PRKCH: variants seen among roughly 807,000 people sequenced by gnomAD.
PRKCH encodes protein kinase C eta type.
In PRKCH, 28 loss-of-function variants were observed where a neutral mutation model predicts 82.5. That is an observed-to-expected ratio of 0.34 (90% CI 0.25 to 0.47). PRKCH has a LOEUF of 0.47. PRKCH is among the 20% of genes least tolerant of loss of function. The pLI, the probability that PRKCH is intolerant of heterozygous loss-of-function variation, is 1.00. For missense variants in PRKCH, 705 were observed against 881.8 expected, an observed-to-expected ratio of 0.80 and a Z score of 2.54; for synonymous variants, 322 against 327.4, an observed-to-expected ratio of 0.98 and a Z score of 0.18.
chr14:61,478,822 C>CT (rs1242578045), intron 9 of PRKCH, among the ~76,000 whole-genome samples: 1 of 152,144 alleles, frequency 6.6e-6, no homozygotes, highest in Non-Finnish European at 1.5e-5. Context: ...GATCCTGCCA[C>CT]TGCCCTCCAG....
intron 10 of PRKCH, among the ~76,000 whole-genome samples, chr14:61,520,463 C>T (rs533173088): frequency 4.6e-5 from 7 of 152,168 alleles, no homozygotes; most frequent in African/African-American, 1.7e-4. Flanking sequence ...TATATCAAAA[C>T]AAAACTTCAA....
chr14:61,222,463 T>C (rs2044663130), intron 1 of PRKCH, among the ~76,000 whole-genome samples: 1 of 152,216 alleles, frequency 6.6e-6, no homozygotes, highest in Non-Finnish European at 1.5e-5. Flanking sequence ...CTCATATCCA[T>C]GGACTTAGAA....
intron 2 of PRKCH, among the ~76,000 whole-genome samples, chr14:61,432,627 G>A (rs1053792097): frequency 3.9e-5 from 6 of 152,140 alleles, no homozygotes; most frequent in South Asian, 2.1e-4. Flanking sequence ...GAGCCACTGC[G>A]CCCAGCAGTA....
chr14:61,328,174 C>T (rs951857931), intron 1 of PRKCH, among the ~76,000 whole-genome samples: 4 of 144,766 alleles, frequency 2.8e-5, no homozygotes, highest in Admixed American at 7.2e-5. Context: ...GGCGTGAACC[C>T]GGGAAGCGGA....
chr14:61,505,480 A>C (rs1423245980), intron 10 of PRKCH, among the ~76,000 whole-genome samples: 1 of 129,444 alleles, frequency 7.7e-6, no homozygotes, highest in Non-Finnish European at 1.5e-5. Context: ...GCTTCAAGCA[A>C]TTCTCCTGCC....
At chr14:61,220,287 G>A (rs2044645775) in intron 1 of PRKCH, among the ~76,000 whole-genome samples, 1 of 152,184 alleles carries the variant, frequency 6.6e-6, no homozygotes. Flanking sequence ...GTACACCCAA[G>A]AGGGGAACTT....
Position 61,453,343 on chromosome 14 carries a change from C to G in PRKCH, c.950C>G (p.Ser317Cys). Residue 317 changes from serine (S) to cysteine (C), a missense_variant, in exon 7 of 14, where the codon TCT becomes TGT. By Grantham distance (112) the Ser-to-Cys change is moderately radical. Around this residue, in one of 5 missense-constraint regions of PRKCH, gnomAD observed 238 missense variants for 258.1 expected, o/e 0.92. Coordinates refer to ENST00000332981, the MANE Select transcript of PRKCH (RefSeq NM_006255.5). The part of the protein sequence containing the change: ...AGMGLQPGNI[S>C]PTSKLVSRST... ...ATGGGTCTCCAACCCGGAAATATTTCTCCAACCTCGGTGAGACTTTGCTTT... is the reference window on the plus strand; with the variant it reads ...ATGGGTCTCCAACCCGGAAATATTTGTCCAACCTCGGTGAGACTTTGCTTT... The G allele has an allele frequency of 6.2e-7, 1 of 1,612,952 alleles. No individual in the cohort carries two copies. Among genetic ancestry groups the G allele is most frequent in the Non-Finnish European group, 8.5e-7 (1 of 1,179,342 alleles).
intron 12 of PRKCH, among the ~76,000 whole-genome samples, chr14:61,533,157 T>C (rs2043062026): frequency 6.6e-6 from 1 of 152,114 alleles, no homozygotes; most frequent in African/African-American, 2.4e-5. Context: ...TACCATAGGG[T>C]GATTGTCCAG....
intron 1 of PRKCH, among the ~76,000 whole-genome samples, chr14:61,222,876 T>G (rs2044665903): frequency 6.6e-6 from 1 of 152,230 alleles, no homozygotes; most frequent in South Asian, 2.1e-4. Context: ...TTGAGCTATT[T>G]CTGTTTCCAC....
At chr14:61,311,353 G>T (rs112218814) in intron 1 of PRKCH, among the ~76,000 whole-genome samples, 2 of 152,270 alleles carry the variant, frequency 1.3e-5, no homozygotes, top group African/African-American at 4.8e-5. Flanking sequence ...GAGGCAAAAT[G>T]CCATCTGTCT....
intron 9 of PRKCH, among the ~76,000 whole-genome samples, chr14:61,467,418 C>T (rs77444246): frequency 0.014 from 2,095 of 152,340 alleles, 58 homozygotes; most frequent in African/African-American, 0.048. Flanking sequence ...CCAGCGCCTC[C>T]AGCTCCCCTT....
chr14:61,453,143 T>C, intron 6 of PRKCH, 83 bp from the exon 7 acceptor site: 1 of 1,528,684 alleles, frequency 6.5e-7, no homozygotes, highest in Non-Finnish European at 9.1e-7. Flanking sequence ...TTATAATCTT[T>C]TAGGCTATTA....
In PRKCH at chr14:61,457,544, T is replaced by C; in HGVS notation, c.1143T>C (p.Tyr381=). The change falls in exon 9 of 14, where the codon TAT becomes TAC. Residue 381 remains tyrosine (Y), a synonymous_variant. Coordinates refer to ENST00000332981, the MANE Select transcript of PRKCH (RefSeq NM_006255.5). Reference sequence around the variant, plus strand: ...GAGTAAAAGAAACAGGAGACCTCTATGCTGTGAAGGTGCTGAAGAAGGACG... The same window carrying C: ...GAGTAAAAGAAACAGGAGACCTCTACGCTGTGAAGGTGCTGAAGAAGGACG... ...LARVKETGDL[Y]AVKVLKKDVI... 1 of 1,614,190 alleles carries C rather than the reference T, an allele frequency of 6.2e-7. No homozygotes were observed. The highest frequency in any genetic ancestry group is 8.5e-7 in the Non-Finnish European group (1 of 1,180,024).
chr14:61,342,165 A>C (rs2045937386), intron 1 of PRKCH, among the ~76,000 whole-genome samples: 1 of 151,920 alleles, frequency 6.6e-6, no homozygotes, highest in South Asian at 2.1e-4. Flanking sequence ...TGTGTTCTGA[A>C]CAGGAGTGCC....
At chr14:61,395,546 G>A (rs2046766180) in intron 2 of PRKCH, among the ~76,000 whole-genome samples, 1 of 152,158 alleles carries the variant, frequency 6.6e-6, no homozygotes, top group Admixed American at 6.5e-5. Context: ...GGATCCTGGA[G>A]GCACTGTCAA....
intron 9 of PRKCH, 49 bp downstream of exon 9, chr14:61,457,728 G>C (rs1477306376): frequency 6.3e-7 from 1 of 1,595,766 alleles, no homozygotes; most frequent in Admixed American, 1.7e-5. Context: ...TTCTTACAGA[G>C]CTGAGACAGT....
chr14:61,336,157 T>A (rs897779368), intron 1 of PRKCH, among the ~76,000 whole-genome samples: 2 of 152,234 alleles, frequency 1.3e-5, no homozygotes, highest in Non-Finnish European at 2.9e-5. Flanking sequence ...CACTTCAATA[T>A]GAAGTGATGG....
intron 5 of PRKCH, among the ~76,000 whole-genome samples, chr14:61,449,900 C>CTCTG (rs1351833573): frequency 1.1e-4 from 4 of 37,000 alleles, no homozygotes; most frequent in African/African-American, 1.8e-4. Flanking sequence ...CTCTCTCTCT[C>CTCTG]TGTGTGTGTG....
chr14:61,293,843 A>C (rs2045384115), intron 1 of PRKCH, among the ~76,000 whole-genome samples: 1 of 152,114 alleles, frequency 6.6e-6, no homozygotes, highest in Non-Finnish European at 1.5e-5. Flanking sequence ...TACCAGGAAA[A>C]CTCTGCCCCA....
Sources: gnomAD v4.1 joint callset for allele counts (sites outside exome capture counted in the v4.1 genomes callset) on GRCh38, gnomAD v4.1.1 for gene constraint, gnomAD v4.1.1 regional missense constraint, MANE v1.5 for transcripts, NCBI Gene and HGNC (gene_info 2026-07-23, HGNC 2026-07-21) for gene names.